The following SLC16A7 variants were observed in gnomAD, a reference collection of about 807,000 sequenced individuals.
SLC16A7 encodes monocarboxylate transporter 2.
A neutral mutation model predicts 34.9 loss-of-function variants in SLC16A7; 33 were observed. That is an observed-to-expected ratio of 0.94 (90% CI 0.72 to 1.26). SLC16A7 has a LOEUF of 1.26. Ranked by LOEUF, SLC16A7 falls within the 50% of genes most tolerant of loss-of-function variation. The pLI, the probability that SLC16A7 is intolerant of heterozygous loss-of-function variation, is 0.00. For missense variants in SLC16A7, 573 were observed against 578.1 expected (o/e 0.99, Z 0.09); for synonymous variants, 201 against 206.6 (o/e 0.97, Z 0.23).
intron 3 of SLC16A7, chr12:59,733,706 C>G (rs1358174886): frequency 2.2e-6 from 1 of 455,876 alleles, no homozygotes. Context: ...GTTTCAGTCC[C>G]GCCATTCAGC....
At chr12:59,761,182 C>A in intron 3 of SLC16A7, 1 of 1,278,324 alleles carries the variant, frequency 7.8e-7, no homozygotes, top group Non-Finnish European at 1.0e-6. Flanking sequence ...TGCAGCTTTA[C>A]TCAATCAGGA....
intron 1 of SLC16A7, among the ~76,000 whole-genome samples, chr12:59,628,658 G>A (rs546023609): frequency 3.3e-5 from 5 of 151,672 alleles, no homozygotes; most frequent in East Asian, 2.0e-4. Flanking sequence ...GTAAGTGTGC[G>A]TGTGTGTGTG....
chr12:59,735,893 G>T, intron 3 of SLC16A7: 1 of 1,160,012 alleles, frequency 8.6e-7, no homozygotes, highest in Non-Finnish European at 1.1e-6. Context: ...CTTTCAAATG[G>T]CCCCTAACAG....
rs561685562 is a variant in SLC16A7, at chr12:59,662,364, G to C, written c.-31+7114G>C. Among the ~76,000 whole-genome samples, 7 of 152,060 alleles carry C rather than the reference G, an allele frequency of 4.6e-5. No individual in the cohort carries two copies. The East Asian group carries it at 1.4e-3, about 29-fold the overall frequency. ...ACACAGAATTAATAACCTATTCCAA[G>C]GGCACACAGGCTATTTATCAAGGTT... On this transcript the variant is annotated intron_variant, in intron 2 of 5. Coordinates refer to ENST00000547379, the MANE Select transcript of SLC16A7 (RefSeq NM_001270623.2).
chr12:59,751,292 A>G (rs997670394), intron 3 of SLC16A7, among the ~76,000 whole-genome samples: 13 of 152,244 alleles, frequency 8.5e-5, no homozygotes, highest in African/African-American at 3.1e-4. Context: ...GAGCCGAAGC[A>G]GGGCGAGGCA....
chr12:59,759,387 A>C (rs1163949373), intron 3 of SLC16A7, among the ~76,000 whole-genome samples: 4 of 151,944 alleles, frequency 2.6e-5, no homozygotes. Flanking sequence ...ATTTATGGGC[A>C]TTTTTCTTAA....
rs755401883 is a variant in SLC16A7, at chr12:59,704,893, G to A, written c.92G>A (p.Gly31Glu). 1 of 1,613,792 alleles carries A rather than the reference G, an allele frequency of 6.2e-7. No individual in the cohort carries two copies. Residue 31 changes from glycine to glutamate, a missense_variant, in exon 3 of 6, where the codon GGA becomes GAA. Transcript: ENST00000547379. ...IVVGAAFISI[G>E]FSYAFPKAVT... is the part of the protein sequence containing the mutation. The stretch of plus-strand genomic sequence containing the variant: ...GTTGGAGCAGCTTTTATCTCCATTG[G>A]ATTTTCCTATGCATTCCCCAAAGCT...
rs1010301457 is a variant in SLC16A7, at chr12:59,677,793, T to C, written c.-31+22543T>C. 2.6e-5 allele frequency among the ~76,000 whole-genome samples: 4 copies of C among 152,380 alleles called. No homozygotes were observed. In the East Asian group the frequency reaches 7.7e-4, roughly 29 times the overall value. On this transcript the variant is annotated intron_variant, in intron 2 of 5. Transcript: ENST00000547379. ...GGTTTAAGAAAAATGTGCTGTGTGCTTTTCTACCCTCATTTATGTCCAACT... is the reference window on the plus strand; with the variant it reads ...GGTTTAAGAAAAATGTGCTGTGTGCCTTTCTACCCTCATTTATGTCCAACT...
chr12:59,655,273 G>A (rs1479752258), intron 2 of SLC16A7, 23 bp downstream of exon 2: 1 of 151,882 alleles, frequency 6.6e-6, no homozygotes, highest in East Asian at 1.9e-4. Flanking sequence ...GGTGTGTAAT[G>A]ATGTTTTCTT....
chr12:59,673,481 TG>T (rs921608656), intron 2 of SLC16A7, among the ~76,000 whole-genome samples: 5 of 142,958 alleles, frequency 3.5e-5, no homozygotes, highest in Non-Finnish European at 7.7e-5. Flanking sequence ...TCAGCAAACA[TG>T]TTTTTTTTTT....
At position 59,785,108 on chromosome 12, in the gene SLC16A7, A is replaced by C. The variant is rs1883518284; in HGVS notation, c.*5429A>C. On this transcript the variant is annotated 3_prime_UTR_variant, in exon 6 of 6. Transcript: ENST00000547379. ...ACTCATGTTTGAGAAGGCACTTAAA[A>C]GCTGAAAGGCCCAATTATCAGTAAT... The C allele has an allele frequency of 6.6e-6, 1 of 152,214 alleles. No individual in the cohort carries two copies. Among genetic ancestry groups the C allele is most frequent in the Non-Finnish European group, 1.5e-5 (1 of 68,030 alleles). The allele number at this position is 152,214 out of a possible 1,614,324, so 9.4% of individuals were successfully genotyped here.
At chr12:59,746,028 A>C (rs567421704) in intron 3 of SLC16A7, among the ~76,000 whole-genome samples, 5 of 152,184 alleles carry the variant, frequency 3.3e-5, no homozygotes, top group Non-Finnish European at 7.3e-5. Context: ...TTCTGGAGCT[A>C]ATAGTCAATT....
intron 1 of SLC16A7, among the ~76,000 whole-genome samples, chr12:59,646,465 G>C (rs1444393079): frequency 6.6e-6 from 1 of 152,156 alleles, no homozygotes; most frequent in Non-Finnish European, 1.5e-5. Context: ...TTTCAGGTTT[G>C]GAGACCTCCA....
chr12:59,607,156 GA>G (rs200827507), intron 1 of SLC16A7, among the ~76,000 whole-genome samples: 2,873 of 150,190 alleles, frequency 0.019, 75 homozygotes, highest in African/African-American at 0.06. Context: ...GCACTTTAGA[GA>G]AAAAAAAAAT....
At chr12:59,712,230 A>G (rs948416257) in intron 3 of SLC16A7, among the ~76,000 whole-genome samples, 3 of 152,248 alleles carry the variant, frequency 2.0e-5, no homozygotes, top group African/African-American at 7.2e-5. Flanking sequence ...GAAACTGCAG[A>G]TAAGGAACAA....
At chr12:59,609,252 AGAAC>A (rs1264510271) in intron 1 of SLC16A7, among the ~76,000 whole-genome samples, 1 of 152,224 alleles carries the variant, frequency 6.6e-6, no homozygotes, top group Non-Finnish European at 1.5e-5. Flanking sequence ...ATAGGCTTGA[AGAAC>A]ATACAGTGTC....
intron 5 of SLC16A7, among the ~76,000 whole-genome samples, chr12:59,777,163 A>T (rs1307729489): frequency 6.6e-6 from 1 of 152,194 alleles, no homozygotes; most frequent in African/African-American, 2.4e-5. Context: ...ATATTTTTGA[A>T]TGCTTATTGT....
intron 3 of SLC16A7, among the ~76,000 whole-genome samples, chr12:59,725,753 A>G (rs574417253): frequency 6.6e-6 from 1 of 152,274 alleles, no homozygotes; most frequent in Middle Eastern, 3.4e-3. Context: ...CACTGTCCTT[A>G]GTATTCTTTG....
Position 59,596,679 on chromosome 12 carries a change from C to G in SLC16A7, c.-130+443C>G, listed in dbSNP as rs1296430925. Reference sequence around the variant, plus strand: ...GCGCGCCCCGCCAGCATCCGGCCCCCGAGCCCCCTAGGGTGGCGTGGCTTC... The same window carrying G: ...GCGCGCCCCGCCAGCATCCGGCCCCGGAGCCCCCTAGGGTGGCGTGGCTTC... On this transcript the variant is annotated intron_variant, in intron 1 of 5. Transcript: ENST00000547379. This position sits in a 1 kb window ranked among gnomAD's most constrained non-coding sequence, Gnocchi z 5.0. 6.6e-6 allele frequency among the ~76,000 whole-genome samples: 1 copy of G among 152,122 alleles called. No individual in the cohort carries two copies. The highest frequency in any genetic ancestry group is 1.5e-5 in the Non-Finnish European group (1 of 68,004).
Sources: allele counts gnomAD v4.1 joint callset (sites outside exome capture counted in the v4.1 genomes callset), GRCh38; gene constraint gnomAD v4.1.1; non-coding constraint Gnocchi (gnomAD v3.1); transcripts MANE v1.5; gene names NCBI Gene and HGNC (gene_info 2026-07-23, HGNC 2026-07-21).